Variants in HIVEP3 observed in about 807,000 individuals in gnomAD.
HIVEP3 encodes HIVEP zinc finger 3.
HIVEP3 carries 49 observed loss-of-function variants against 152.8 expected under a neutral mutation model. The observed-to-expected ratio is 0.32, with a 90% CI of 0.26 to 0.41. HIVEP3 has a LOEUF of 0.41. Among genes scored for constraint, HIVEP3 ranks in the 10% least tolerant of loss-of-function variants. HIVEP3 has a pLI of 1.00. For synonymous variants in HIVEP3, 1,269 were observed against 1,289.0 expected, an observed-to-expected ratio of 0.98 and a Z score of 0.33; for missense variants, 2,790 against 3,103.3, an observed-to-expected ratio of 0.90 and a Z score of 2.40.
intron 1 of HIVEP3, among the ~76,000 whole-genome samples, chr1:41,790,022 C>T (rs1467932857): frequency 1.3e-5 from 2 of 152,198 alleles, no homozygotes; most frequent in Non-Finnish European, 2.9e-5. Flanking sequence ...CTTTACAAAA[C>T]AGGGTCAGGT....
chr1:41,595,107 T>C (rs1303039527), intron 3 of HIVEP3, among the ~76,000 whole-genome samples: 1 of 152,238 alleles, frequency 6.6e-6, no homozygotes, highest in African/African-American at 2.4e-5. Flanking sequence ...TTTTTGCTAA[T>C]TCCCCATGTG....
At chr1:42,005,375 A>G (rs79032169) in intron 1 of HIVEP3, among the ~76,000 whole-genome samples, 1,704 of 152,292 alleles carry the variant, frequency 0.011, 27 homozygotes, top group African/African-American at 0.038. Flanking sequence ...ACATATACAT[A>G]TATATGACAC....
At chr1:41,606,007 T>C (rs1202107568) in intron 3 of HIVEP3, among the ~76,000 whole-genome samples, 2 of 152,208 alleles carry the variant, frequency 1.3e-5, no homozygotes, top group Non-Finnish European at 2.9e-5. Flanking sequence ...GTAGTACTGG[T>C]GTGGTTACAA....
At chr1:41,576,410 T>C (rs1644328396) in intron 4 of HIVEP3, among the ~76,000 whole-genome samples, 1 of 152,204 alleles carries the variant, frequency 6.6e-6, no homozygotes, top group African/African-American at 2.4e-5. Context: ...AGAGCTGGCA[T>C]TGGCTTTGTG....
chr1:41,536,569 G>A (rs564425041), intron 5 of HIVEP3, among the ~76,000 whole-genome samples: 1 of 152,082 alleles, frequency 6.6e-6, no homozygotes, highest in Non-Finnish European at 1.5e-5. Flanking sequence ...GAGGGGACGC[G>A]GTGGGGACTG....
At chr1:41,556,758 T>G (rs1030571198) in intron 5 of HIVEP3, among the ~76,000 whole-genome samples, 2 of 152,232 alleles carry the variant, frequency 1.3e-5, no homozygotes, top group Admixed American at 6.5e-5. Context: ...AGAGTTTTAT[T>G]ATAGTTTTAG....
intron 5 of HIVEP3, among the ~76,000 whole-genome samples, chr1:41,568,135 C>G (rs948729617): frequency 2.6e-5 from 4 of 152,244 alleles, no homozygotes; most frequent in African/African-American, 9.6e-5. Flanking sequence ...AGTTCCTGCC[C>G]TCTCACAGAG....
intron 1 of HIVEP3, among the ~76,000 whole-genome samples, chr1:41,845,522 GGATAGTTTAGGT>G (rs1365419071): frequency 1.3e-5 from 2 of 151,006 alleles, no homozygotes; most frequent in Non-Finnish European, 2.9e-5. Flanking sequence ...GGAACAACAG[GGATAGTTTAGGT>G]TAAACTTAGA....
intron 1 of HIVEP3, among the ~76,000 whole-genome samples, chr1:41,855,304 T>C (rs1407636356): frequency 6.7e-6 from 1 of 150,326 alleles, no homozygotes; most frequent in Non-Finnish European, 1.5e-5. Context: ...CATGTGTTTT[T>C]TGGCTGCATA....
chr1:41,831,224 T>A (rs1642955573), intron 1 of HIVEP3, among the ~76,000 whole-genome samples: 2 of 152,168 alleles, frequency 1.3e-5, no homozygotes, highest in South Asian at 4.1e-4. Flanking sequence ...GCACACACAT[T>A]CATAGTGGGA....
intron 5 of HIVEP3, among the ~76,000 whole-genome samples, chr1:41,529,294 C>A (rs573988455): frequency 5.4e-5 from 8 of 147,004 alleles, no homozygotes; most frequent in African/African-American, 2.0e-4. Flanking sequence ...CACTGACACA[C>A]CCTCACCATC....
intron 1 of HIVEP3, among the ~76,000 whole-genome samples, chr1:41,984,244 T>C (rs1489232983): frequency 6.6e-6 from 1 of 152,198 alleles, no homozygotes; most frequent in Non-Finnish European, 1.5e-5. Flanking sequence ...AGTGCTGGGA[T>C]TATGGACATG....
chr1:41,917,843 A>T (rs1179176982), intron 1 of HIVEP3, among the ~76,000 whole-genome samples: 1 of 152,126 alleles, frequency 6.6e-6, no homozygotes, highest in Non-Finnish European at 1.5e-5. Context: ...GCTAGGATTA[A>T]GGGGGAAAAA....
At chr1:41,779,411 G>A (rs1190577505) in intron 1 of HIVEP3, among the ~76,000 whole-genome samples, 1 of 152,228 alleles carries the variant, frequency 6.6e-6, no homozygotes, top group African/African-American at 2.4e-5. Flanking sequence ...GAGATTAAAT[G>A]AGTTACATGT....
chr1:41,720,105 G>A (rs1358975717), intron 1 of HIVEP3, among the ~76,000 whole-genome samples: 1 of 152,180 alleles, frequency 6.6e-6, no homozygotes, highest in East Asian at 1.9e-4. Flanking sequence ...CAAGCTACTT[G>A]CTTTCCTACG....
intron 1 of HIVEP3, among the ~76,000 whole-genome samples, chr1:41,878,336 G>C (rs534043716): frequency 2.0e-5 from 3 of 152,068 alleles, no homozygotes; most frequent in Admixed American, 6.5e-5. Context: ...ATTCTGCAAG[G>C]GTTCATCTTC....
Position 41,707,083 on chromosome 1 carries a change from G to A in HIVEP3, c.-800-6088C>T, listed in dbSNP as rs542717525. Among the ~76,000 whole-genome samples, 13 of 152,308 alleles carry A rather than the reference G, an allele frequency of 8.5e-5. No individual in the cohort carries two copies. In the South Asian group the frequency reaches 2.1e-3, roughly 24 times the overall value. The stretch of plus-strand genomic sequence containing the variant: ...CAGCATGTAAGACAGATAAAGGCAG[G>A]GTACTCTGGTGGAAGCTGTGCTGGG... On this transcript the variant is annotated intron_variant, in intron 1 of 8. Transcript: ENST00000372583.
At chr1:41,638,038 C>T (rs375908382) in intron 2 of HIVEP3, among the ~76,000 whole-genome samples, 35 of 152,102 alleles carry the variant, frequency 2.3e-4, no homozygotes, top group African/African-American at 6.3e-4. Context: ...GAATAATAGA[C>T]GCTGGAGGCT....
At chr1:42,035,626 C>T (rs750692279) in intron 1 of HIVEP3, among the ~76,000 whole-genome samples, 28 of 152,004 alleles carry the variant, frequency 1.8e-4, no homozygotes, top group Non-Finnish European at 3.4e-4. Flanking sequence ...GGGACCCCAG[C>T]TGAGGGGGCC....
Sources: gnomAD v4.1 joint callset for allele counts (sites outside exome capture counted in the v4.1 genomes callset) on GRCh38, gnomAD v4.1.1 for gene constraint, MANE v1.5 for transcripts, NCBI Gene and HGNC (gene_info 2026-07-23, HGNC 2026-07-21) for gene names.